Variants in GSE1 observed in about 807,000 individuals in gnomAD.
The protein encoded by GSE1 is Gse1 coiled-coil protein.
Under a neutral mutation model 112.6 loss-of-function variants are expected in GSE1, and 32 were observed. That is an observed-to-expected ratio of 0.28 (90% CI 0.21 to 0.38). The LOEUF (loss-of-function observed/expected upper bound fraction) is 0.38. GSE1 is among the 10% of genes least tolerant of loss of function. GSE1 has a pLI of 1.00. For missense variants in GSE1, 2,348 were observed against 1,699.2 expected, an observed-to-expected ratio of 1.38 and a Z score of -6.71; for synonymous variants, 1,115 against 735.6, an observed-to-expected ratio of 1.52 and a Z score of -8.35.
chr16:85,455,831 C>CA (rs2049811756), intron 2 of GSE1, among the ~76,000 whole-genome samples: 2 of 152,238 alleles, frequency 1.3e-5, no homozygotes, highest in African/African-American at 2.4e-5. Flanking sequence ...TCTCCACTCT[C>CA]ACGCCTGCAT....
chr16:85,180,887 G>A (rs780541308), intron 1 of GSE1, among the ~76,000 whole-genome samples: 1 of 152,202 alleles, frequency 6.6e-6, no homozygotes, highest in South Asian at 2.1e-4. Flanking sequence ...TGGAATTTAC[G>A]TACCAGTGAT....
intron 1 of GSE1, among the ~76,000 whole-genome samples, chr16:85,254,057 G>T (rs1906803676): frequency 6.6e-6 from 1 of 152,184 alleles, no homozygotes. Flanking sequence ...ACCCTGCCGT[G>T]TGGGGCATAG....
chr16:85,317,165 G>A lies in GSE1; in HGVS notation c.2284-40298G>A, dbSNP rs937735265. Among the ~76,000 whole-genome samples, 3 of 152,324 alleles carry A rather than the reference G, an allele frequency of 2.0e-5. No homozygotes were observed. The East Asian group carries it at 5.8e-4, about 29-fold the overall frequency. ...TGCCTGGCTCTGAAGATCACGTGGGGACAAGACGGGGCCTTTGTCTGGTTG... is the reference window on the plus strand; with the variant it reads ...TGCCTGGCTCTGAAGATCACGTGGGAACAAGACGGGGCCTTTGTCTGGTTG... On this transcript the variant is annotated intron_variant, in intron 1 of 2. Coordinates refer to the GSE1 transcript ENST00000637419.
At chr16:85,467,818 A>G (rs1271868896) in intron 2 of GSE1, among the ~76,000 whole-genome samples, 1 of 152,238 alleles carries the variant, frequency 6.6e-6, no homozygotes, top group Non-Finnish European at 1.5e-5. Context: ...GGACTGCCAC[A>G]TACCTGCTAG....
chr16:85,258,731 C>T (rs1597212936), intron 1 of GSE1, among the ~76,000 whole-genome samples: 1 of 152,174 alleles, frequency 6.6e-6, no homozygotes, highest in East Asian at 1.9e-4. Context: ...AGCGGGGTCA[C>T]CATGCACTCC....
At chr16:85,442,884 G>A (rs540380310) in intron 2 of GSE1, among the ~76,000 whole-genome samples, 2 of 152,292 alleles carry the variant, frequency 1.3e-5, no homozygotes, top group African/African-American at 2.4e-5. Flanking sequence ...GGAGGTCCCC[G>A]GAGGAAATCC....
chr16:85,574,900 G>A lies in GSE1; in HGVS notation c.37+18537G>A, dbSNP rs189163117. Among the ~76,000 whole-genome samples, 32 of 152,244 alleles carry A rather than the reference G, an allele frequency of 2.1e-4. 1 individual carries two copies. The East Asian group carries it at 6.0e-3, about 29-fold the overall frequency. The stretch of plus-strand genomic sequence containing the variant: ...ATTGGGATCTGCGCTCCAGGCAGGC[G>A]GGGGATTTAACCCTGAGCGTCCCCT... On this transcript the variant is annotated intron_variant, in intron 1 of 2. Coordinates refer to the GSE1 transcript ENST00000635906.
At chr16:85,332,867 C>T (rs1413407794) in intron 1 of GSE1, among the ~76,000 whole-genome samples, 1 of 152,128 alleles carries the variant, frequency 6.6e-6, no homozygotes, top group East Asian at 1.9e-4. Context: ...GTGTGCTGGC[C>T]ACCCAGGGAG....
chr16:85,590,170 G>T (rs528984195), intron 1 of GSE1, among the ~76,000 whole-genome samples: 3 of 152,086 alleles, frequency 2.0e-5, no homozygotes, highest in Non-Finnish European at 2.9e-5. Context: ...GAATGTGTGT[G>T]ACATTGTGTA....
intron 2 of GSE1, among the ~76,000 whole-genome samples, chr16:85,532,145 A>T (rs1016414650): frequency 6.6e-6 from 1 of 152,172 alleles, no homozygotes; most frequent in East Asian, 1.9e-4. Context: ...TAGCTTTTTC[A>T]TCCTCACAAC....
At chr16:85,560,943 A>G (rs980366303) in intron 1 of GSE1, among the ~76,000 whole-genome samples, 3 of 152,122 alleles carry the variant, frequency 2.0e-5, no homozygotes, top group Non-Finnish European at 4.4e-5. Context: ...AGCCTGGGCA[A>G]CATGGTAAGA....
At chr16:85,246,595 C>T (rs1251716796) in intron 1 of GSE1, among the ~76,000 whole-genome samples, 1 of 151,082 alleles carries the variant, frequency 6.6e-6, no homozygotes, top group Non-Finnish European at 1.5e-5. Flanking sequence ...TTATCCCCGG[C>T]CCTGGAGGAG....
At chr16:85,517,315 T>C (rs2051983361) in intron 2 of GSE1, among the ~76,000 whole-genome samples, 1 of 152,206 alleles carries the variant, frequency 6.6e-6, no homozygotes, top group Admixed American at 6.5e-5. Flanking sequence ...CATGTGTCCT[T>C]GGTCCTGCTG....
rs748516718 is a variant in GSE1, at chr16:85,661,492, G to A, written c.1987G>A (p.Glu663Lys). 1.2e-6 allele frequency: 2 copies of A among 1,611,724 alleles called. No individual in the cohort carries two copies. The highest frequency in any genetic ancestry group is 1.1e-5 in the South Asian group (1 of 91,038). The change falls in exon 9 of 16, where the codon GAG becomes AAG. Residue 663 changes from glutamate to lysine, a missense_variant. Glu to Lys is a moderately conservative substitution (Grantham distance 56). Coordinates refer to ENST00000253458, the MANE Select transcript of GSE1 (RefSeq NM_014615.5). The part of the protein sequence containing the change: ...PPPPREGGSL[E>K]HQPFLPGPGP... Reference sequence around the variant, plus strand: ...GCCACCACGAGAGGGAGGGAGCCTGGAGCACCAGCCCTTCCTGCCCGGGCC... The same window carrying A: ...GCCACCACGAGAGGGAGGGAGCCTGAAGCACCAGCCCTTCCTGCCCGGGCC...
chr16:85,456,988 G>C (rs891390474), intron 2 of GSE1, among the ~76,000 whole-genome samples: 1 of 152,172 alleles, frequency 6.6e-6, no homozygotes, highest in African/African-American at 2.4e-5. Flanking sequence ...AGCTGACCAA[G>C]GGCTTCCGCA....
Position 85,359,585 on chromosome 16 carries a change from C to G in GSE1, c.2464+1942C>G, listed in dbSNP as rs1287718329. On this transcript the variant is annotated intron_variant, in intron 2 of 2. Coordinates refer to the GSE1 transcript ENST00000637419. ...CTCGTGAGCTGATGCTTGTAAGCTG[C>G]TTGAAGAGGGCTGGGCACCGAGGAA... 6 of 351,916 alleles carry G rather than the reference C, an allele frequency of 1.7e-5. No individual in the cohort carries two copies. The East Asian group carries it at 4.5e-4, about 27-fold the overall frequency. 21.8% of individuals were successfully genotyped at this position (351,916 alleles called of 1,614,324 possible).
chr16:85,467,398 A>G (rs184081225), intron 2 of GSE1, among the ~76,000 whole-genome samples: 2 of 152,342 alleles, frequency 1.3e-5, no homozygotes, highest in African/African-American at 4.8e-5. Flanking sequence ...GGCGTAAAAC[A>G]AGAACACAAA....
At chr16:85,584,167 C>T (rs1450251770) in intron 1 of GSE1, among the ~76,000 whole-genome samples, 1 of 136,044 alleles carries the variant, frequency 7.4e-6, no homozygotes, top group Non-Finnish European at 1.5e-5. Flanking sequence ...GCGTGGGCCC[C>T]TGTCTGTTTG....
intron 1 of GSE1, among the ~76,000 whole-genome samples, chr16:85,584,465 T>C (rs1300497560): frequency 6.6e-6 from 1 of 152,248 alleles, no homozygotes; most frequent in African/African-American, 2.4e-5. Flanking sequence ...CTCCGGGTAC[T>C]GATCCATCAA....
Sources: gnomAD v4.1 joint callset for allele counts (sites outside exome capture counted in the v4.1 genomes callset) on GRCh38, gnomAD v4.1.1 for gene constraint, MANE v1.5 for transcripts, NCBI Gene and HGNC (gene_info 2026-07-23, HGNC 2026-07-21) for gene names.